BMPER: variants seen among roughly 807,000 people sequenced by gnomAD.
BMPER encodes BMP binding endothelial regulator.
A neutral mutation model predicts 87.3 loss-of-function variants in BMPER; 45 were observed. The observed-to-expected ratio is 0.52, with a 90% CI of 0.41 to 0.66. The LOEUF is 0.66. BMPER is among the 30% of genes least tolerant of loss of function. BMPER has a pLI of 0.00. For missense variants in BMPER, 784 were observed against 867.5 expected (o/e 0.90, Z 1.21); for synonymous variants, 326 against 316.2 (o/e 1.03, Z -0.33).
intron 13 of BMPER, among the ~76,000 whole-genome samples, chr7:34,090,472 A>C (rs1789349547): frequency 6.6e-6 from 1 of 152,100 alleles, no homozygotes; most frequent in Admixed American, 6.5e-5. Flanking sequence ...AACTCGCACC[A>C]CAAAGGCTCT....
At chr7:34,076,643 G>T (rs576316190) in intron 11 of BMPER, among the ~76,000 whole-genome samples, 1 of 152,244 alleles carries the variant, frequency 6.6e-6, no homozygotes, top group African/African-American at 2.4e-5. Context: ...CCAATTTTCT[G>T]ATGATGCATC....
rs574607459 is a variant in BMPER at position 33,971,947 on chromosome 7, G to A, written c.493+1528G>A. 1.1e-4 allele frequency among the ~76,000 whole-genome samples: 16 copies of A among 152,078 alleles called. No individual in the cohort carries two copies. In the South Asian group the frequency reaches 2.1e-3, roughly 20 times the overall value. On this transcript the variant is annotated intron_variant, in intron 5 of 14. Transcript: ENST00000649409. ...AGATGGAGTCTCACTCTGTCGCCCC[G>A]GCTGAAGTACAGTGGTGTGATCTCG...
intron 13 of BMPER, among the ~76,000 whole-genome samples, chr7:34,093,168 A>C (rs1206855332): frequency 6.6e-6 from 1 of 152,220 alleles, no homozygotes; most frequent in Non-Finnish European, 1.5e-5. Flanking sequence ...GAGATACATA[A>C]GGCAGAATTG....
At chr7:34,112,494 CAGAAAAAAAAAAAA>C (rs1393145158) in intron 13 of BMPER, among the ~76,000 whole-genome samples, 3 of 87,770 alleles carry the variant, frequency 3.4e-5, no homozygotes, top group Non-Finnish European at 6.6e-5. Context: ...GACTCCGTCT[CAGAAAAAAAAAAAA>C]AAAAAAAAAA....
chr7:34,069,476 A>G (rs945597640), intron 11 of BMPER, among the ~76,000 whole-genome samples: 7 of 152,092 alleles, frequency 4.6e-5, no homozygotes, highest in African/African-American at 1.7e-4. Flanking sequence ...AATGCTCTCC[A>G]TTTTGCCATT....
intron 7 of BMPER, among the ~76,000 whole-genome samples, chr7:34,046,934 T>C (rs1413744808): frequency 4.0e-5 from 6 of 151,706 alleles, no homozygotes; most frequent in Non-Finnish European, 7.4e-5. Context: ...TTATTTTTTT[T>C]TTTTTCTCAT....
chr7:34,153,060 A>T, intron 14 of BMPER, 32 bp from the exon 15 acceptor site: 1 of 1,613,338 alleles, frequency 6.2e-7, no homozygotes. Flanking sequence ...GCCTTTCTCC[A>T]TGTTATGCCT....
chr7:33,936,284 C>T (rs895520560), intron 2 of BMPER, among the ~76,000 whole-genome samples: 2 of 152,158 alleles, frequency 1.3e-5, no homozygotes, highest in Non-Finnish European at 2.9e-5. Flanking sequence ...CAACCTGCCC[C>T]GAGATGAGGC....
intron 6 of BMPER, among the ~76,000 whole-genome samples, chr7:34,037,624 A>C (rs1306843288): frequency 6.6e-6 from 1 of 152,240 alleles, no homozygotes; most frequent in Non-Finnish European, 1.5e-5. Flanking sequence ...ACTTCAACTT[A>C]AGGGGTTGGT....
At chr7:33,908,873 G>A (rs1025284104) in intron 2 of BMPER, among the ~76,000 whole-genome samples, 5 of 152,238 alleles carry the variant, frequency 3.3e-5, no homozygotes, top group Middle Eastern at 3.4e-3. Context: ...CTTCCCAAAC[G>A]TTTGTAATGA....
At chr7:34,144,085 T>C (rs373423963) in intron 14 of BMPER, among the ~76,000 whole-genome samples, 10 of 152,074 alleles carry the variant, frequency 6.6e-5, no homozygotes, top group South Asian at 2.1e-4. Flanking sequence ...TAGAAAACCA[T>C]TGGAGAGGGC....
chr7:34,049,915 C>A (rs1344449432), intron 7 of BMPER, among the ~76,000 whole-genome samples: 1 of 152,102 alleles, frequency 6.6e-6, no homozygotes, highest in African/African-American at 2.4e-5. Flanking sequence ...ACTGCTCATT[C>A]ATATTTCTTA....
intron 6 of BMPER, among the ~76,000 whole-genome samples, chr7:33,996,845 G>A (rs1188675713): frequency 1.3e-5 from 2 of 151,984 alleles, no homozygotes; most frequent in African/African-American, 4.8e-5. Flanking sequence ...AATATTAATA[G>A]GATATCTTAC....
chr7:33,951,483 C>A (rs1200165059), intron 3 of BMPER, among the ~76,000 whole-genome samples: 1 of 152,116 alleles, frequency 6.6e-6, no homozygotes, highest in Admixed American at 6.6e-5. Context: ...TTTTACATTT[C>A]ACTTTGGACA....
chr7:33,951,720 A>G (rs1361348104), intron 3 of BMPER, among the ~76,000 whole-genome samples: 1 of 152,168 alleles, frequency 6.6e-6, no homozygotes, highest in Non-Finnish European at 1.5e-5. Context: ...AAGATGGGAA[A>G]ATTGGAACTA....
chr7:34,112,639 T>C (rs993946510), intron 13 of BMPER, among the ~76,000 whole-genome samples: 1 of 152,116 alleles, frequency 6.6e-6, no homozygotes, highest in African/African-American at 2.4e-5. Context: ...ATATTGTGTA[T>C]ACTGTTGTAG....
At chr7:34,037,941 G>T (rs890646589) in intron 6 of BMPER, among the ~76,000 whole-genome samples, 13 of 152,190 alleles carry the variant, frequency 8.5e-5, no homozygotes, top group African/African-American at 3.1e-4. Context: ...GAAAGCATTA[G>T]AAACACTAGC....
intron 6 of BMPER, among the ~76,000 whole-genome samples, chr7:34,012,209 C>G (rs531100667): frequency 6.6e-6 from 1 of 152,038 alleles, no homozygotes; most frequent in South Asian, 2.1e-4. Flanking sequence ...CTAGATGACT[C>G]TCATTTCAGT....
At chr7:33,975,622 A>G (rs1023426115) in intron 6 of BMPER, among the ~76,000 whole-genome samples, 3 of 152,236 alleles carry the variant, frequency 2.0e-5, no homozygotes, top group African/African-American at 7.2e-5. Flanking sequence ...AGTCATTTAC[A>G]GTAGGGAGTT....
Sources: allele counts gnomAD v4.1 joint callset (sites outside exome capture counted in the v4.1 genomes callset), GRCh38; gene constraint gnomAD v4.1.1; transcripts MANE v1.5; gene names NCBI Gene and HGNC (gene_info 2026-07-23, HGNC 2026-07-21).